IL17RB: variants seen among roughly 807,000 people sequenced by gnomAD.
IL17RB encodes interleukin 17 receptor B.
In IL17RB, 36 loss-of-function variants were observed where a neutral mutation model predicts 43.9. That is an observed-to-expected ratio of 0.82 (90% CI 0.63 to 1.08). The LOEUF (loss-of-function observed/expected upper bound fraction) is 1.08, where lower values mean the gene tolerates loss of function less well. Ranked by LOEUF, IL17RB falls within the 50% of genes least tolerant of loss-of-function variation. The pLI, the probability that IL17RB is intolerant of heterozygous loss-of-function variation, is 0.00. For missense variants in IL17RB, 613 were observed against 613.6 expected (o/e 1.00, Z 0.01); for synonymous variants, 225 against 225.4 (o/e 1.00, Z 0.02).
chr3:53,851,940 T>C, intron 3 of IL17RB, 59 bp from the exon 4 acceptor site: 2 of 1,596,056 alleles, frequency 1.3e-6, no homozygotes, highest in South Asian at 1.1e-5. Flanking sequence ...GCATCTAGCA[T>C]CAAGTCAGCC....
Position 53,848,676 on chromosome 3 carries a change from G to A in IL17RB, c.73G>A (p.Gly25Ser), listed in dbSNP as rs1559772602. ...AVPREPTVQC[G>S]SETGPSPEWM... The stretch of plus-strand genomic sequence containing the variant: ...TTCTCTCCCACAGACCGTTCAATGT[G>A]GCTCTGAAACTGGTAGGTGCATTAG... The change falls in exon 2 of 11, where the codon GGC becomes AGC. Residue 25 changes from glycine (G) to serine (S), a missense_variant. Transcript: ENST00000288167. 6.2e-7 allele frequency: 1 copy of A among 1,614,062 alleles called. No homozygotes were observed. The highest frequency in any genetic ancestry group is 8.5e-7 in the Non-Finnish European group (1 of 1,179,964).
intron 7 of IL17RB, 98 bp downstream of exon 7, chr3:53,857,084 TTGA>T (rs1243128134): frequency 7.8e-7 from 1 of 1,281,516 alleles, no homozygotes; most frequent in Non-Finnish European, 1.1e-6. Flanking sequence ...CTGGGCTACT[TTGA>T]TGAATTCAAC....
Position 53,860,218 on chromosome 3 carries a change from G to A in IL17RB, c.936G>A (p.Met312Ile), listed in dbSNP as rs375918872. The change falls in exon 10 of 11, where the codon ATG becomes ATA. Residue 312 changes from methionine to isoleucine, a missense_variant. Met to Ile is a conservative substitution (Grantham distance 10, BLOSUM62 1). Transcript: ENST00000288167. Reference sequence around the variant, plus strand: ...TGCTGGTGGCAGGGATCTATCTAATGTGGAGGCACGGTAAGGGTTATAATT... The same window carrying A: ...TGCTGGTGGCAGGGATCTATCTAATATGGAGGCACGGTAAGGGTTATAATT... ...TWVLVAGIYLMWRHERIKKTS... is the reference protein window; with the variant it reads ...TWVLVAGIYLIWRHERIKKTS... The A allele has an allele frequency of 1.9e-5, 30 of 1,612,484 alleles. No individual in the cohort carries two copies. The highest frequency in any genetic ancestry group is 2.5e-5 in the Non-Finnish European group (30 of 1,178,852).
intron 2 of IL17RB, 37 bp downstream of exon 2, chr3:53,848,725 A>G (rs749333729): frequency 1.6e-5 from 25 of 1,609,908 alleles, no homozygotes; most frequent in Non-Finnish European, 2.0e-5. Context: ...GGGGCTTTAC[A>G]TTGAAAGCAC....
At chr3:53,859,964 T>C (rs1017628165) in intron 9 of IL17RB, 166 bp from the exon 10 acceptor site, 1 of 519,554 alleles carries the variant, frequency 1.9e-6, no homozygotes, top group East Asian at 3.1e-5. Context: ...GAACCGAGAT[T>C]GCGCCACTGC....
At chr3:53,848,344 C>T (rs377509739) in intron 1 of IL17RB, among the ~76,000 whole-genome samples, 2 of 152,352 alleles carry the variant, frequency 1.3e-5, no homozygotes, top group South Asian at 2.1e-4. Context: ...GGCCTCACAT[C>T]GGTCCCAAGT....
chr3:53,855,461 C>A, intron 6 of IL17RB, 120 bp downstream of exon 6: 1 of 652,424 alleles, frequency 1.5e-6, no homozygotes, highest in Non-Finnish European at 2.6e-6. Context: ...TATCCAAGCA[C>A]CCCCGATGGT....
chr3:53,856,179 G>A (rs1034998847), intron 6 of IL17RB, among the ~76,000 whole-genome samples: 4 of 152,202 alleles, frequency 2.6e-5, no homozygotes, highest in Non-Finnish European at 4.4e-5. Context: ...AACTCCTAAA[G>A]ACAGTTCTGA....
intron 3 of IL17RB, among the ~76,000 whole-genome samples, chr3:53,851,151 C>G (rs897745422): frequency 6.6e-6 from 1 of 152,210 alleles, no homozygotes; most frequent in Admixed American, 6.5e-5. Flanking sequence ...TTTCAGTGAG[C>G]TACTCCTGGG....
At chr3:53,854,807 A>G (rs939903903) in intron 5 of IL17RB, among the ~76,000 whole-genome samples, 1 of 152,224 alleles carries the variant, frequency 6.6e-6, no homozygotes, top group African/African-American at 2.4e-5. Flanking sequence ...ATCTACAGAT[A>G]TTACCAAATG....
At chr3:53,849,531 T>TAA (rs3832251) in intron 2 of IL17RB, 124 bp from the exon 3 acceptor site, 17,650 of 531,542 alleles carry the variant, frequency 0.033, 3 homozygotes, top group East Asian at 0.051. Flanking sequence ...TTTTTTTAAT[T>TAA]AAAAAAAAAA....
At chr3:53,861,977 T>C (rs921209468) in intron 10 of IL17RB, among the ~76,000 whole-genome samples, 7 of 152,230 alleles carry the variant, frequency 4.6e-5, no homozygotes, top group Non-Finnish European at 1.0e-4. Context: ...TGGCCTTATC[T>C]ATAAAGCTGC....
chr3:53,854,434 CCT>C (rs1474867170), intron 5 of IL17RB, among the ~76,000 whole-genome samples: 1 of 152,206 alleles, frequency 6.6e-6, no homozygotes, highest in Non-Finnish European at 1.5e-5. Flanking sequence ...GTGTGTCTCT[CCT>C]CTGGTCTGTA....
rs765851336 is a variant in IL17RB at position 53,860,247 on chromosome 3, T to A, written c.946+19T>A. 1 of 1,568,360 alleles carries A rather than the reference T, an allele frequency of 6.4e-7. No individual in the cohort carries two copies. Among genetic ancestry groups the A allele is most frequent in the South Asian group, 1.1e-5 (1 of 88,076 alleles). ...AGGCACGGTAAGGGTTATAATTCTT[T>A]AAAGACATCCTAGTAAGGAAATAAC... On this transcript the variant is annotated intron_variant, in intron 10 of 10. Coordinates refer to ENST00000288167, the MANE Select transcript of IL17RB (RefSeq NM_018725.4).
chr3:53,863,575 C>T (rs1200766840), intron 10 of IL17RB, among the ~76,000 whole-genome samples: 2 of 152,148 alleles, frequency 1.3e-5, no homozygotes, highest in African/African-American at 2.4e-5. Flanking sequence ...GTATTCGTTA[C>T]AGTAGTTTCA....
At chr3:53,853,461 C>T (rs1471045770) in intron 5 of IL17RB, among the ~76,000 whole-genome samples, 1 of 152,226 alleles carries the variant, frequency 6.6e-6, no homozygotes, top group Non-Finnish European at 1.5e-5. Context: ...CTAGAGTGGG[C>T]TGCATATGGC....
At chr3:53,855,636 G>A (rs1164809106) in intron 6 of IL17RB, among the ~76,000 whole-genome samples, 1 of 152,154 alleles carries the variant, frequency 6.6e-6, no homozygotes, top group East Asian at 1.9e-4. Context: ...AGCCCAAATG[G>A]CTCAGCAGTG....
chr3:53,853,036 G>C (rs755096493), intron 5 of IL17RB, 39 bp downstream of exon 5: 1 of 1,612,474 alleles, frequency 6.2e-7, no homozygotes, highest in Non-Finnish European at 8.5e-7. Context: ...TTGTCTTGCT[G>C]GGATGCCTGC....
intron 6 of IL17RB, among the ~76,000 whole-genome samples, chr3:53,855,967 CTAA>C (rs1699320517): frequency 1.3e-5 from 2 of 152,186 alleles, no homozygotes; most frequent in African/African-American, 4.8e-5. Flanking sequence ...TGTTGGAATG[CTAA>C]TGAGGCTAGT....
Sources: gnomAD v4.1 joint callset for allele counts (sites outside exome capture counted in the v4.1 genomes callset) on GRCh38, gnomAD v4.1.1 for gene constraint, MANE v1.5 for transcripts, NCBI Gene and HGNC (gene_info 2026-07-23, HGNC 2026-07-21) for gene names.